The following RANBP17 variants were observed in gnomAD, a reference collection of about 807,000 sequenced individuals.
RANBP17 encodes the protein RAN binding protein 17, also known as ran-binding protein 17.
A neutral mutation model predicts 141.2 loss-of-function variants in RANBP17; 158 were observed. The observed-to-expected ratio is 1.12, with a 90% CI of 0.98 to 1.28. The LOEUF (loss-of-function observed/expected upper bound fraction) is 1.28. RANBP17 is among the 50% of genes most tolerant of loss of function. The pLI is 0.00. For missense variants in RANBP17, 1,438 were observed against 1,290.7 expected, an observed-to-expected ratio of 1.11 and a Z score of -1.75; for synonymous variants, 430 against 450.0, an observed-to-expected ratio of 0.96 and a Z score of 0.56.
chr5:171,244,561 C>T (rs919656227), intron 24 of RANBP17, among the ~76,000 whole-genome samples: 4 of 152,038 alleles, frequency 2.6e-5, no homozygotes, highest in African/African-American at 9.7e-5. Context: ...ATTATTGTGC[C>T]TCAGCCTCCC....
intron 20 of RANBP17, among the ~76,000 whole-genome samples, chr5:171,208,406 A>G (rs1019744101): frequency 2.0e-5 from 3 of 152,186 alleles, no homozygotes; most frequent in African/African-American, 7.2e-5. Flanking sequence ...CTTTGCCCCT[A>G]TGATGGGAAT....
intron 14 of RANBP17, among the ~76,000 whole-genome samples, chr5:171,055,342 TAG>T (rs1783271199): frequency 6.6e-6 from 1 of 152,168 alleles, no homozygotes; most frequent in Non-Finnish European, 1.5e-5. Flanking sequence ...CTGATGAAAC[TAG>T]CATGTACTAA....
intron 13 of RANBP17, among the ~76,000 whole-genome samples, chr5:170,965,378 G>A (rs1776478874): frequency 2.0e-5 from 3 of 151,614 alleles, no homozygotes; most frequent in African/African-American, 4.8e-5. Context: ...GGTTTCTTTT[G>A]CTGTGCAGAA....
rs1236384780 is a variant in RANBP17, at chr5:171,025,259, A to G, written c.1710+56882A>G. On this transcript the variant is annotated intron_variant, in intron 14 of 27. Transcript: ENST00000523189. ...CATAGCCAGAGTTACTGTAAATGAA[A>G]ATCAGTGGCTTCCCAGTGTTTTTAG... Among the ~76,000 whole-genome samples, 4 of 152,212 alleles carry G rather than the reference A, an allele frequency of 2.6e-5. 1 individual carries two copies. The highest frequency in any genetic ancestry group is 5.9e-5 in the Non-Finnish European group (4 of 68,038).
intron 14 of RANBP17, among the ~76,000 whole-genome samples, chr5:171,143,947 GGT>G (rs1418279364): frequency 6.6e-6 from 1 of 152,132 alleles, no homozygotes; most frequent in Non-Finnish European, 1.5e-5. Context: ...AGGGACTGGG[GGT>G]GTAAAATACT....
intron 16 of RANBP17, among the ~76,000 whole-genome samples, chr5:171,175,586 A>G (rs1195989436): frequency 6.6e-6 from 1 of 152,206 alleles, no homozygotes; most frequent in Non-Finnish European, 1.5e-5. Flanking sequence ...CAAATTTACA[A>G]GAAAAAAACA....
chr5:171,251,897 C>T, intron 24 of RANBP17: 6 of 1,558,592 alleles, frequency 3.8e-6, no homozygotes, highest in Non-Finnish European at 3.5e-6. Context: ...GAGATTGGTC[C>T]AGAACAGTTT....
intron 20 of RANBP17, among the ~76,000 whole-genome samples, chr5:171,212,572 C>T (rs557649876): frequency 7.2e-5 from 11 of 152,256 alleles, no homozygotes; most frequent in South Asian, 2.1e-4. Context: ...CCTTGAACAC[C>T]GTGCTACGGA....
In RANBP17 at chr5:170,919,715, G is replaced by T. The variant is rs1300476752; in HGVS notation, c.1274+102G>T. Reference sequence around the variant, plus strand: ...AATTCACCCCTTTTAGCGTACAGTTGTATGATTTCTGACAAGTGCACACAA... The same window carrying T: ...AATTCACCCCTTTTAGCGTACAGTTTTATGATTTCTGACAAGTGCACACAA... On this transcript the variant is annotated intron_variant, in intron 11 of 27. Transcript: ENST00000523189. 29 of 849,462 alleles carry T rather than the reference G, an allele frequency of 3.4e-5. No homozygotes were observed. The East Asian group carries it at 7.3e-4, about 21-fold the overall frequency. 52.6% of individuals were successfully genotyped at this position (849,462 alleles called of 1,614,324 possible).
At chr5:171,099,997 C>T (rs1036907714) in intron 14 of RANBP17, among the ~76,000 whole-genome samples, 4 of 152,106 alleles carry the variant, frequency 2.6e-5, no homozygotes, top group African/African-American at 9.7e-5. Flanking sequence ...TTGCTGGATT[C>T]AGTTTGCCAG....
chr5:171,006,751 A>G (rs1779649545), intron 14 of RANBP17, among the ~76,000 whole-genome samples: 1 of 151,694 alleles, frequency 6.6e-6, no homozygotes, highest in Non-Finnish European at 1.5e-5. Context: ...ATTAAAAAAA[A>G]AAAAAAAGAA....
intron 14 of RANBP17, among the ~76,000 whole-genome samples, chr5:171,158,877 T>A (rs1029571698): frequency 1.3e-5 from 2 of 152,174 alleles, no homozygotes; most frequent in African/African-American, 2.4e-5. Context: ...TCCTAAAGAT[T>A]AAGGTGTTGG....
intron 14 of RANBP17, among the ~76,000 whole-genome samples, chr5:171,022,145 G>A (rs141104760): frequency 0.012 from 1,770 of 152,238 alleles, 32 homozygotes; most frequent in African/African-American, 0.041. Context: ...CAACAAGGCT[G>A]GAGAACAGGA....
At chr5:171,288,480 C>T (rs1001437135) in intron 25 of RANBP17, among the ~76,000 whole-genome samples, 1 of 152,242 alleles carries the variant, frequency 6.6e-6, no homozygotes, top group African/African-American at 2.4e-5. Flanking sequence ...GGTCCTCACT[C>T]AGACAACAAG....
In RANBP17 at chr5:170,905,579, C is replaced by T. The variant is rs149905808; in HGVS notation, c.490-4082C>T. 2.6e-5 allele frequency among the ~76,000 whole-genome samples: 4 copies of T among 152,132 alleles called. 1 individual carries two copies. In the East Asian group the frequency reaches 7.7e-4, roughly 29 times the overall value. ...ATCACGGCCATCACCTTCCTGAGTCCTCCACCCCAGAGTATATGCTGTGTG... is the reference window on the plus strand; with the variant it reads ...ATCACGGCCATCACCTTCCTGAGTCTTCCACCCCAGAGTATATGCTGTGTG... On this transcript the variant is annotated intron_variant, in intron 5 of 27. Coordinates refer to ENST00000523189, the MANE Select transcript of RANBP17 (RefSeq NM_022897.5).
chr5:171,296,906 CTG>C (rs1768856084), intron 27 of RANBP17, among the ~76,000 whole-genome samples: 1 of 152,240 alleles, frequency 6.6e-6, no homozygotes, highest in East Asian at 1.9e-4. Flanking sequence ...GAGTGAGACT[CTG>C]TCTCAAAAAT....
chr5:171,269,978 TCC>T (rs1317656537), intron 25 of RANBP17, among the ~76,000 whole-genome samples: 1 of 152,164 alleles, frequency 6.6e-6, no homozygotes, highest in Admixed American at 6.5e-5. Context: ...GAACTGTTTT[TCC>T]CCCCAACCTG....
At chr5:171,134,379 T>G (rs1180225857) in intron 14 of RANBP17, among the ~76,000 whole-genome samples, 7 of 152,200 alleles carry the variant, frequency 4.6e-5, no homozygotes, top group Admixed American at 1.3e-4. Flanking sequence ...ATCCTGTACT[T>G]ATGGCTAGAT....
intron 12 of RANBP17, among the ~76,000 whole-genome samples, chr5:170,933,850 G>T (rs1773621733): frequency 6.6e-6 from 1 of 152,072 alleles, no homozygotes; most frequent in Non-Finnish European, 1.5e-5. Context: ...GGTCAATTTT[G>T]GAATAAGTGC....
Sources: gnomAD v4.1 joint callset for allele counts (sites outside exome capture counted in the v4.1 genomes callset) on GRCh38, gnomAD v4.1.1 for gene constraint, MANE v1.5 for transcripts, NCBI Gene and HGNC (gene_info 2026-07-23, HGNC 2026-07-21) for gene names.